Variants in CEPT1 observed in about 807,000 individuals in gnomAD.
CEPT1 encodes the protein choline/ethanolaminephosphotransferase 1.
A neutral mutation model predicts 42.6 loss-of-function variants in CEPT1; 7 were observed. That is an observed-to-expected ratio of 0.16 (90% confidence interval 0.09 to 0.31). The LOEUF (loss-of-function observed/expected upper bound fraction) is 0.31. Ranked by LOEUF, CEPT1 falls within the 10% of genes least tolerant of loss-of-function variation. CEPT1 has a pLI of 1.00. For missense variants in CEPT1, 306 were observed against 502.1 expected, an observed-to-expected ratio of 0.61 and a Z score of 3.73; for synonymous variants, 171 against 171.9, an observed-to-expected ratio of 0.99 and a Z score of 0.04.
At position 111,151,114 on chromosome 1, in the gene CEPT1, G is replaced by GTTT. The variant is rs1176721936; in HGVS notation, c.339+3068_339+3070dup. ...GCCCAAGGTAGTCAGAGCACTGCTT[G>GTTT]TTTTTTTTTGTTTGTTTTTTTTTTT... On this transcript the variant is annotated intron_variant, in intron 2 of 8. Coordinates refer to ENST00000357172, the MANE Select transcript of CEPT1 (RefSeq NM_006090.5). 2.0e-4 allele frequency among the ~76,000 whole-genome samples: 29 copies of GTTT among 144,664 alleles called. 2 individuals are homozygous for GTTT. The highest frequency in any genetic ancestry group is 4.6e-4 in the African/African-American group (18 of 39,092). The allele number at this position is 144,664 out of a possible 152,430, so 94.9% of individuals were successfully genotyped here.
intron 6 of CEPT1, 184 bp from the exon 7 acceptor site, chr1:111,182,615 C>T (rs1168689456): frequency 5.0e-6 from 3 of 598,740 alleles, no homozygotes; most frequent in African/African-American, 3.8e-5. Context: ...TCAGTTTGTG[C>T]CTAATGAATT....
At chr1:111,171,058 T>G (rs1046206834) in intron 4 of CEPT1, among the ~76,000 whole-genome samples, 1 of 152,176 alleles carries the variant, frequency 6.6e-6, no homozygotes, top group African/African-American at 2.4e-5. Context: ...GGAAAGACAT[T>G]AAAAATTTGT....
chr1:111,158,190 A>C (rs1655670574), intron 2 of CEPT1, among the ~76,000 whole-genome samples: 1 of 152,110 alleles, frequency 6.6e-6, no homozygotes, highest in African/African-American at 2.4e-5. Flanking sequence ...AAAAAAAATA[A>C]AATAAAATAA....
chr1:111,181,056 C>G (rs1656951877), intron 5 of CEPT1: 1 of 152,300 alleles, frequency 6.6e-6, no homozygotes, highest in East Asian at 1.9e-4. Flanking sequence ...CCCAGCTACT[C>G]AAAAGGCTGA....
At chr1:111,153,957 A>G (rs1011475859) in intron 2 of CEPT1, among the ~76,000 whole-genome samples, 1 of 151,996 alleles carries the variant, frequency 6.6e-6, no homozygotes, top group Non-Finnish European at 1.5e-5. Context: ...GATTCCATAC[A>G]CATTTTAGGA....
intron 4 of CEPT1, 133 bp downstream of exon 4, chr1:111,161,429 AT>A: frequency 2.5e-6 from 2 of 801,872 alleles, no homozygotes; most frequent in African/African-American, 1.8e-5. Context: ...ATGCTTCATT[AT>A]TATAGCTATT....
rs762850243 is a variant in CEPT1, at chr1:111,183,624, G to T, written c.1131+37G>T. The T allele has an allele frequency of 1.9e-6, 3 of 1,571,104 alleles. No homozygotes were observed. The East Asian group carries it at 6.8e-5, about 36-fold the overall frequency. ...ACTAAGTCTTATTTCATGGTTTGAG[G>T]GTTTGAAGGTTGCTTGTTTTCTTAT... On this transcript the variant is annotated intron_variant, in intron 8 of 8. Coordinates refer to ENST00000357172, the MANE Select transcript of CEPT1 (RefSeq NM_006090.5).
At chr1:111,168,101 T>C (rs1571143788) in intron 4 of CEPT1, among the ~76,000 whole-genome samples, 1 of 152,254 alleles carries the variant, frequency 6.6e-6, no homozygotes, top group East Asian at 1.9e-4. Flanking sequence ...CTTGAACTTC[T>C]GGCCTCAAGT....
chr1:111,158,983 G>A (rs1467467849), intron 2 of CEPT1, among the ~76,000 whole-genome samples: 5 of 125,528 alleles, frequency 4.0e-5, no homozygotes, highest in Non-Finnish European at 6.3e-5. Flanking sequence ...GCGCAATCTC[G>A]GCTCACTGCA....
chr1:111,175,727 G>A (rs1656643936), intron 5 of CEPT1, among the ~76,000 whole-genome samples: 2 of 152,176 alleles, frequency 1.3e-5, no homozygotes, highest in African/African-American at 2.4e-5. Context: ...AATAGTGCCT[G>A]TCAAATAATA....
intron 2 of CEPT1, among the ~76,000 whole-genome samples, chr1:111,151,726 C>G (rs919205118): frequency 1.3e-5 from 2 of 152,150 alleles, no homozygotes; most frequent in African/African-American, 4.8e-5. Flanking sequence ...AGGATTGGGA[C>G]AGTCTGGAAG....
At chr1:111,164,283 G>C (rs570862607) in intron 4 of CEPT1, among the ~76,000 whole-genome samples, 3 of 152,278 alleles carry the variant, frequency 2.0e-5, no homozygotes, top group Admixed American at 2.0e-4. Context: ...TCTGATCACA[G>C]CTAAAAGCTA....
intron 4 of CEPT1, among the ~76,000 whole-genome samples, chr1:111,163,820 C>G (rs964142656): frequency 6.6e-6 from 1 of 152,110 alleles, no homozygotes; most frequent in Non-Finnish European, 1.5e-5. Context: ...GGAACAAGGT[C>G]AGCTCTGAAA....
chr1:111,173,531 A>T (rs1656524894), intron 4 of CEPT1, among the ~76,000 whole-genome samples: 1 of 152,126 alleles, frequency 6.6e-6, no homozygotes, highest in Non-Finnish European at 1.5e-5. Context: ...CTGTTCTGGG[A>T]ATTGAATCCC....
intron 3 of CEPT1, 125 bp downstream of exon 3, chr1:111,159,652 A>G: frequency 1.5e-6 from 1 of 664,108 alleles, no homozygotes; most frequent in Non-Finnish European, 2.3e-6. Context: ...GTATTTCTCA[A>G]AAGACTATGA....
At chr1:111,157,847 A>G (rs1051710440) in intron 2 of CEPT1, among the ~76,000 whole-genome samples, 1 of 152,246 alleles carries the variant, frequency 6.6e-6, no homozygotes, top group Non-Finnish European at 1.5e-5. Flanking sequence ...GCAGTACAGA[A>G]TATACTGAAT....
At chr1:111,167,280 A>G (rs997624055) in intron 4 of CEPT1, 1 of 984,814 alleles carries the variant, frequency 1.0e-6, no homozygotes. Context: ...TAATTAAAAC[A>G]TGAAAAATCA....
intron 2 of CEPT1, among the ~76,000 whole-genome samples, chr1:111,153,179 T>C (rs1019232547): frequency 1.3e-5 from 2 of 152,166 alleles, no homozygotes; most frequent in East Asian, 1.9e-4. Flanking sequence ...TTTACTTCTA[T>C]GAGCATTTTT....
At chr1:111,145,766 T>A (rs1239160405) in intron 1 of CEPT1, among the ~76,000 whole-genome samples, 1 of 152,226 alleles carries the variant, frequency 6.6e-6, no homozygotes, top group Non-Finnish European at 1.5e-5. Flanking sequence ...GAGCACCATG[T>A]TGCAGTCTAC....
Sources: gnomAD v4.1 joint callset for allele counts (sites outside exome capture counted in the v4.1 genomes callset) on GRCh38, gnomAD v4.1.1 for gene constraint, MANE v1.5 for transcripts, NCBI Gene and HGNC (gene_info 2026-07-23, HGNC 2026-07-21) for gene names.